Variants in UNC50 observed in about 807,000 individuals in gnomAD.
UNC50 encodes the protein protein unc-50 homolog.
A neutral mutation model predicts 31.5 loss-of-function variants in UNC50; 24 were observed. The observed-to-expected ratio is 0.76, with a 90% CI of 0.55 to 1.07. UNC50 has a LOEUF of 1.07. Among genes scored for constraint, UNC50 ranks in the 50% least tolerant of loss-of-function variants. The pLI is 0.00. For synonymous variants in UNC50, 118 were observed against 114.7 expected (o/e 1.03, Z -0.18); for missense variants, 245 against 304.2 (o/e 0.81, Z 1.45).
In UNC50 at chr2:98,609,710, T is replaced by A. The variant is rs1062847; in HGVS notation, c.-4-46T>A. On this transcript the variant is annotated intron_variant, in intron 1 of 5. Coordinates refer to ENST00000357765, the MANE Select transcript of UNC50 (RefSeq NM_014044.7). Reference sequence around the variant, plus strand: ...CAGAAGAGGAGTGTCGGTAGCCAAATGTTTCTTCAGAATACGTGTAAAAGA... The same window carrying A: ...CAGAAGAGGAGTGTCGGTAGCCAAAAGTTTCTTCAGAATACGTGTAAAAGA... The A allele has an allele frequency of 0.26, 417,297 of 1,608,926 alleles. 54,837 individuals are homozygous for A. Among genetic ancestry groups the A allele is most frequent in the Middle Eastern group, 0.32 (1,942 of 6,040 alleles).
Position 98,616,482 on chromosome 2 carries a change from T to A in UNC50, c.592T>A (p.Trp198Arg). ...FIGYLVGNTL[W>R]LVAVGYYIYV... ...TGGATATTTAGTTGGAAATACCTTA[T>A]GGTTGGTTGCAGTTGGCTATTATAT... is the stretch of plus-strand genomic sequence containing the variant. The change falls in exon 5 of 6, where the codon TGG becomes AGG. Residue 198 changes from tryptophan to arginine, a missense_variant. By Grantham distance (101) the Trp-to-Arg change is moderately radical (BLOSUM62 -3). Transcript: ENST00000357765. 1 of 1,614,126 alleles carries A rather than the reference T, an allele frequency of 6.2e-7. No homozygotes were observed. Among genetic ancestry groups the A allele is most frequent in the Non-Finnish European group, 8.5e-7 (1 of 1,179,970 alleles).
chr2:98,616,647 T>G, intron 5 of UNC50, 114 bp downstream of exon 5: 2 of 738,304 alleles, frequency 2.7e-6, no homozygotes, highest in South Asian at 3.5e-5. Context: ...TCCTAAGTAT[T>G]TTATGTGCAT....
At position 98,609,560 on chromosome 2, in the gene UNC50, G is replaced by A. The variant is rs1700785574; in HGVS notation, c.-4-196G>A. 35 of 739,034 alleles carry A rather than the reference G, an allele frequency of 4.7e-5. No individual in the cohort carries two copies. In the South Asian group the frequency reaches 5.7e-4, roughly 12 times the overall value. 45.8% of individuals were successfully genotyped at this position (739,034 alleles called of 1,614,324 possible). On this transcript the variant is annotated intron_variant, in intron 1 of 5. Coordinates refer to ENST00000357765, the MANE Select transcript of UNC50 (RefSeq NM_014044.7). Reference sequence around the variant, plus strand: ...GAAGGGTGGGCTGTTGCCCTTGCCTGAGGTTGCAGTCTGCGGTTCCCAAGC... The same window carrying A: ...GAAGGGTGGGCTGTTGCCCTTGCCTAAGGTTGCAGTCTGCGGTTCCCAAGC...
At chr2:98,618,121 T>TTA (rs770804980) in intron 5 of UNC50, 47 bp from the exon 6 acceptor site, 16 of 1,379,084 alleles carry the variant, frequency 1.2e-5, no homozygotes, top group African/African-American at 4.0e-5. Context: ...TATTAGTCAT[T>TTA]TATTTTTTTT....
intron 5 of UNC50, among the ~76,000 whole-genome samples, chr2:98,617,277 G>T (rs925579208): frequency 6.6e-6 from 1 of 152,138 alleles, no homozygotes; most frequent in Non-Finnish European, 1.5e-5. Context: ...TGTAAATACA[G>T]ATGGCTCTGA....
chr2:98,617,996 G>A, intron 5 of UNC50, 172 bp from the exon 6 acceptor site: 1 of 671,548 alleles, frequency 1.5e-6, no homozygotes, highest in Non-Finnish European at 2.3e-6. Context: ...ACAGCACAGA[G>A]GGGTTGGGAA....
intron 1 of UNC50, 148 bp from the exon 2 acceptor site, chr2:98,609,597 CCTCAGAACTAA>C: frequency 8.6e-7 from 1 of 1,157,584 alleles, no homozygotes; most frequent in Admixed American, 2.1e-5. Flanking sequence ...CCAAGACCCG[CCTCAGAACTAA>C]CTGCATTTGC....
intron 1 of UNC50, 70 bp from the exon 2 acceptor site, chr2:98,609,686 A>G: frequency 6.2e-7 from 1 of 1,601,708 alleles, no homozygotes. Flanking sequence ...CAAATAACTC[A>G]GAAGAGGAGT....
Position 98,608,727 on chromosome 2 carries a change from G to C in UNC50, c.-5+1G>C. On this transcript the variant is annotated splice_donor_variant, in intron 1 of 5. Transcript: ENST00000357765. LOFTEE classifies it low-confidence loss of function (5UTR_SPLICE). The stretch of plus-strand genomic sequence containing the variant: ...GGTCGAGGCTGTAGCAGGACTCCAG[G>C]TGAGGCCTGAGGACCACTCTGCCCT... 1 of 421,106 alleles carries C rather than the reference G, an allele frequency of 2.4e-6. No homozygotes were observed. Among genetic ancestry groups the C allele is most frequent in the Non-Finnish European group, 4.4e-6 (1 of 227,308 alleles). 26.1% of individuals were successfully genotyped at this position (421,106 alleles called of 1,614,324 possible). A position where few individuals can be genotyped will look rare whatever the true frequency, so the allele number is the denominator to read the frequency against.
chr2:98,616,510 A>G lies in UNC50; in HGVS notation c.620A>G (p.Tyr207Cys), dbSNP rs769097007. 4.3e-6 allele frequency: 7 copies of G among 1,613,658 alleles called. No individual in the cohort carries two copies. In the African/African-American group the frequency reaches 5.3e-5, roughly 12 times the overall value. The change falls in exon 5 of 6, where the codon TAT (tyrosine) becomes TGT (cysteine). Residue 207 changes from tyrosine to cysteine, a missense_variant. Tyr to Cys is a radical substitution (Grantham distance 194, BLOSUM62 -2). Transcript: ENST00000357765. ...LWLVAVGYYI[Y>C]VTFLGYSALP... Reference sequence around the variant, plus strand: ...TTGGTTGCAGTTGGCTATTATATCTATGTAACTTTCCTGGGATACAGTGGT... The same window carrying G: ...TTGGTTGCAGTTGGCTATTATATCTGTGTAACTTTCCTGGGATACAGTGGT...
intron 5 of UNC50, among the ~76,000 whole-genome samples, chr2:98,617,732 A>ATGCTT (rs1396394241): frequency 6.6e-6 from 1 of 152,208 alleles, no homozygotes; most frequent in African/African-American, 2.4e-5. Context: ...TGGGGGTATA[A>ATGCTT]TGCTTTACAC....
Position 98,618,436 on chromosome 2 carries a change from AT to A in UNC50, c.*133del. Reference sequence around the variant, plus strand: ...GTAAAGTTTGCAAATTTGAAGAAATATATATTAACACTGTGGTCAGGTACAT... The same window carrying A: ...GTAAAGTTTGCAAATTTGAAGAAATAATATTAACACTGTGGTCAGGTACAT... On this transcript the variant is annotated 3_prime_UTR_variant, in exon 6 of 6. Coordinates refer to ENST00000357765, the MANE Select transcript of UNC50 (RefSeq NM_014044.7). 1 of 850,528 alleles carries A rather than the reference AT, an allele frequency of 1.2e-6. No homozygotes were observed. Among genetic ancestry groups the A allele is most frequent in the Non-Finnish European group, 1.6e-6 (1 of 606,142 alleles). 52.7% of individuals were successfully genotyped at this position (850,528 alleles called of 1,614,324 possible).
intron 3 of UNC50, 108 bp downstream of exon 3, chr2:98,611,003 AAATGATC>A: frequency 2.3e-6 from 3 of 1,314,642 alleles, no homozygotes; most frequent in Non-Finnish European, 3.1e-6. Flanking sequence ...TAGAGTTACT[AAATGATC>A]AATTTTGACT....
At chr2:98,614,231 G>C (rs369821036) in intron 3 of UNC50, among the ~76,000 whole-genome samples, 7 of 152,320 alleles carry the variant, frequency 4.6e-5, no homozygotes, top group Non-Finnish European at 7.3e-5. Context: ...AGAGGTCTGC[G>C]TAGGAGTAGA....
At chr2:98,611,690 A>G (rs1700831740) in intron 3 of UNC50, among the ~76,000 whole-genome samples, 3 of 152,174 alleles carry the variant, frequency 2.0e-5, no homozygotes, top group Admixed American at 2.0e-4. Flanking sequence ...CATACTAACA[A>G]AATGCCTGGT....
rs1325387175 is a variant in UNC50 at position 98,609,836 on chromosome 2, C to T, written c.77C>T (p.Thr26Ile). The T allele has an allele frequency of 3.7e-6, 6 of 1,614,224 alleles. No individual in the cohort carries two copies. Among genetic ancestry groups the T allele is most frequent in the Non-Finnish European group, 5.1e-6 (6 of 1,180,046 alleles). ...AATTCCAGGGATGCGGCAAGACACA[C>T]AGCCGGAGCGAAACGCTACAAATAT... ...VLNSRDAARH[T>I]AGAKRYKYLR... The change falls in exon 2 of 6, where the codon ACA (threonine) becomes ATA (isoleucine). Residue 26 changes from threonine (T) to isoleucine (I), a missense_variant. By Grantham distance (89) the Thr-to-Ile change is moderately conservative. Transcript: ENST00000357765.
chr2:98,608,643 C>G lies in UNC50; in HGVS notation c.-88C>G. 1 of 567,846 alleles carries G rather than the reference C, an allele frequency of 1.8e-6. No homozygotes were observed. Among genetic ancestry groups the G allele is most frequent in the Admixed American group, 3.1e-5 (1 of 32,398 alleles). 35.2% of individuals were successfully genotyped at this position (567,846 alleles called of 1,614,324 possible). Reference sequence around the variant, plus strand: ...CCGGCTCCGTTGAGGGAAGGGAAGCCCGCCCGGTGGCGGCTGGGGTCGGCT... The same window carrying G: ...CCGGCTCCGTTGAGGGAAGGGAAGCGCGCCCGGTGGCGGCTGGGGTCGGCT... On this transcript the variant is annotated 5_prime_UTR_variant, in exon 1 of 6. Transcript: ENST00000357765.
intron 5 of UNC50, 82 bp from the exon 6 acceptor site, chr2:98,618,086 T>TAAGC (rs1700963817): frequency 2.2e-6 from 3 of 1,359,642 alleles, no homozygotes; most frequent in Non-Finnish European, 2.9e-6. Context: ...CATGTTGAAG[T>TAAGC]AAGCTGTCTT....
chr2:98,614,266 A>G (rs979557501), intron 3 of UNC50, among the ~76,000 whole-genome samples: 13 of 152,156 alleles, frequency 8.5e-5, no homozygotes, highest in African/African-American at 2.9e-4. Flanking sequence ...TATGGTGGTG[A>G]TAGGAATAGA....
Sources: allele counts gnomAD v4.1 joint callset (sites outside exome capture counted in the v4.1 genomes callset), GRCh38; gene constraint gnomAD v4.1.1; transcripts MANE v1.5; gene names NCBI Gene and HGNC (gene_info 2026-07-23, HGNC 2026-07-21).